The following SBF1 variants were observed in gnomAD, a reference collection of about 807,000 sequenced individuals.
The protein encoded by SBF1 is myotubularin-related protein 5.
Under a neutral mutation model 215.8 loss-of-function variants are expected in SBF1, and 65 were observed. The observed-to-expected ratio is 0.30, with a 90% CI of 0.25 to 0.37. The LOEUF (loss-of-function observed/expected upper bound fraction) is 0.37, where lower values mean the gene tolerates loss of function less well. Ranked by LOEUF, SBF1 falls within the 10% of genes least tolerant of loss-of-function variation. SBF1 has a pLI of 1.00. For synonymous variants in SBF1, 1,410 were observed against 1,122.8 expected, an observed-to-expected ratio of 1.26 and a Z score of -5.11; for missense variants, 2,634 against 2,667.8, an observed-to-expected ratio of 0.99 and a Z score of 0.28.
intron 25 of SBF1, 49 bp from the exon 26 acceptor site, chr22:50,460,208 C>T: frequency 6.2e-7 from 1 of 1,604,786 alleles, no homozygotes; most frequent in African/African-American, 1.3e-5. Context: ...TCCGCCTGCC[C>T]TGATCCTCCC....
chr22:50,463,013 C>T, intron 16 of SBF1, 75 bp from the exon 17 acceptor site: 1 of 1,418,534 alleles, frequency 7.0e-7, no homozygotes, highest in Non-Finnish European at 9.8e-7. Context: ...GCCCCCACCA[C>T]CCCATAACCA....
At chr22:50,474,441 G>A (rs557615909) in intron 1 of SBF1, among the ~76,000 whole-genome samples, 1 of 152,188 alleles carries the variant, frequency 6.6e-6, no homozygotes, top group Admixed American at 6.5e-5. Flanking sequence ...CAAGGAGGCC[G>A]GGCAGGCCGG....
chr22:50,461,220 A>C lies in SBF1; in HGVS notation c.2906T>G (p.Val969Gly), dbSNP rs576176809. Reference sequence around the variant, plus strand: ...CAGGAGCTGGTCCACAGGGGTCTGGACGCTGATGCGCTTCTCCTTGGTCAG... The same window carrying C: ...CAGGAGCTGGTCCACAGGGGTCTGGCCGCTGATGCGCTTCTCCTTGGTCAG... ...AALTKEKRIS[V>G]QTPVDQLLQD... Residue 969 changes from valine (V) to glycine (G), a missense_variant, in exon 23 of 41, where the codon GTC becomes GGC. Val to Gly is a moderately radical substitution (Grantham distance 109). Coordinates refer to ENST00000380817, the MANE Select transcript of SBF1 (RefSeq NM_002972.4). The C allele has an allele frequency of 5.6e-6, 9 of 1,612,956 alleles. No homozygotes were observed. The South Asian group carries it at 9.9e-5, about 18-fold the overall frequency.
At chr22:50,454,365 ATGG>A in intron 36 of SBF1, 144 bp downstream of exon 36, 2 of 696,638 alleles carry the variant, frequency 2.9e-6, no homozygotes, top group Non-Finnish European at 2.4e-6. Context: ...GGCAGTTCAC[ATGG>A]TGGGGAGACG....
Position 50,456,993 on chromosome 22 carries a change from CAAGT to C in SBF1, c.3904+37_3904+40del, listed in dbSNP as rs147016729. On this transcript the variant is annotated intron_variant, in intron 29 of 40. Coordinates refer to ENST00000380817, the MANE Select transcript of SBF1 (RefSeq NM_002972.4). ...AGTGCACACTAGAGGCCGCCAGCAC[CAAGT>C]AAGGGGAGGCGGGCCTGCGCAGGCT... 3.7e-4 allele frequency: 519 copies of C among 1,384,124 alleles called. 3 individuals are homozygous for C. Among genetic ancestry groups the C allele is most frequent in the Non-Finnish European group, 1.4e-4 (150 of 1,061,992 alleles). The allele number at this position is 1,384,124 out of a possible 1,614,324, so 85.7% of individuals were successfully genotyped here.
chr22:50,452,158 AAAG>A (rs1300887443), intron 36 of SBF1, among the ~76,000 whole-genome samples: 23 of 151,904 alleles, frequency 1.5e-4, no homozygotes, highest in South Asian at 1.2e-3. Flanking sequence ...AAAAAAAAAA[AAAG>A]AAGCAGCTGT....
At position 50,466,479 on chromosome 22, in the gene SBF1, A is replaced by T; in HGVS notation, c.659T>A (p.Ile220Asn). ...ACAGAACAAAGACAGCACGTTGGTG[A>T]TGCCTAAAGGAAGAAGAGAAGCTTG... ...SVALLFRQLG[I>N]TNVLSLFCAA... is the part of the protein sequence containing the mutation. Residue 220 changes from isoleucine to asparagine, a missense_variant, in exon 7 of 41, where the codon ATC (isoleucine) becomes AAC (asparagine). By Grantham distance (149) the Ile-to-Asn change is moderately radical. Coordinates refer to ENST00000380817, the MANE Select transcript of SBF1 (RefSeq NM_002972.4). 1 of 1,544,868 alleles carries T rather than the reference A, an allele frequency of 6.5e-7. No individual in the cohort carries two copies. Among genetic ancestry groups the T allele is most frequent in the Non-Finnish European group, 8.8e-7 (1 of 1,142,046 alleles).
At chr22:50,466,978 C>A in intron 5 of SBF1, 1 of 558,436 alleles carries the variant, frequency 1.8e-6, no homozygotes, top group East Asian at 3.0e-5. Context: ...GAATCCATAC[C>A]GCTCCTTCCT....
chr22:50,452,677 G>A (rs985899764), intron 36 of SBF1, among the ~76,000 whole-genome samples: 14 of 125,420 alleles, frequency 1.1e-4, no homozygotes, highest in Middle Eastern at 6.8e-3. Flanking sequence ...AACCGAGATC[G>A]CACCACCGCT....
rs1418904235 is a variant in SBF1, at chr22:50,464,609, C to T, written c.1561G>A (p.Ala521Thr). 1 of 1,611,452 alleles carries T rather than the reference C, an allele frequency of 6.2e-7. No homozygotes were observed. The highest frequency in any genetic ancestry group is 8.5e-7 in the Non-Finnish European group (1 of 1,179,864). Residue 521 changes from alanine to threonine, a missense_variant, in exon 14 of 41, where the codon GCA becomes ACA. Coordinates refer to ENST00000380817, the MANE Select transcript of SBF1 (RefSeq NM_002972.4). ...GTVQWIVDQA[A>T]AKMQGAPPAV... is the part of the protein sequence containing the mutation. ...GGGGGTGCACCCTGCATCTTGGCTG[C>T]AGCCTGGTCCACGATCCACTGCACG...
At chr22:50,455,607 C>T (rs1262986549) in intron 31 of SBF1, 25 bp from the exon 32 acceptor site, 4 of 1,545,970 alleles carry the variant, frequency 2.6e-6, no homozygotes, top group Non-Finnish European at 3.5e-6. Context: ...GGCCTCAGCA[C>T]CTCGGGGACC....
intron 38 of SBF1, 77 bp from the exon 39 acceptor site, chr22:50,447,686 C>A (rs957016554): frequency 1.1e-5 from 12 of 1,078,110 alleles, no homozygotes; most frequent in African/African-American, 3.1e-5. Flanking sequence ...TCGTCCCCCC[C>A]TTGCTGTCCC....
Position 50,462,443 on chromosome 22 carries a change from C to G in SBF1, c.2158G>C (p.Glu720Gln). The change falls in exon 19 of 41, where the codon GAG becomes CAG. Residue 720 changes from glutamate (E) to glutamine (Q), a missense_variant. By Grantham distance (29) the Glu-to-Gln change is conservative. Transcript: ENST00000380817. ...EVGEAPSQEDERSALDVASEQ... is the reference protein window; with the variant it reads ...EVGEAPSQEDQRSALDVASEQ... The stretch of plus-strand genomic sequence containing the variant: ...GAAGCCACGTCTAGGGCAGAGCGCT[C>G]GTCCTCCTGGGAAGGTGCCTCCCCA... 6.2e-7 allele frequency: 1 copy of G among 1,613,900 alleles called. No individual in the cohort carries two copies. Among genetic ancestry groups the G allele is most frequent in the Non-Finnish European group, 8.5e-7 (1 of 1,179,984 alleles).
rs902782859 is a variant in SBF1 at position 50,448,348 on chromosome 22, G to A, written c.5248C>T (p.Leu1750Phe). ...QEGPVGSTLS[L>F]SLDSDQSSGS... ...CTACTCTGGTCGCTGTCCAGGCTGA[G>A]GCTCAGGGTGGAGCCCACGGGCCCC... Residue 1750 changes from leucine (L) to phenylalanine (F), a missense_variant, in exon 38 of 41, where the codon CTC (leucine) becomes TTC (phenylalanine). Leu to Phe is a conservative substitution (Grantham distance 22, BLOSUM62 0). Coordinates refer to ENST00000380817, the MANE Select transcript of SBF1 (RefSeq NM_002972.4). The A allele has an allele frequency of 1.2e-6, 2 of 1,613,922 alleles. No homozygotes were observed. The highest frequency in any genetic ancestry group is 1.1e-5 in the South Asian group (1 of 91,088).
chr22:50,461,808 C>G lies in SBF1; in HGVS notation c.2631G>C (p.Pro877=). The change falls in exon 21 of 41, where the codon CCG becomes CCC. Residue 877 remains proline, a synonymous_variant. Transcript: ENST00000380817. ...GGCCCCCGCAAACCTTCTGGATGGG[C>G]GGCAGCCTCCGGCTCTCCCGCTGCA... ...EAVQRESRRL[P]PIQKPKLLRP... The G allele has an allele frequency of 6.2e-7, 1 of 1,613,412 alleles. No individual in the cohort carries two copies. The highest frequency in any genetic ancestry group is 8.5e-7 in the Non-Finnish European group (1 of 1,179,990).
At chr22:50,452,160 A>G (rs1370196656) in intron 36 of SBF1, among the ~76,000 whole-genome samples, 5 of 149,650 alleles carry the variant, frequency 3.3e-5, no homozygotes, top group Admixed American at 2.6e-4. Context: ...AAAAAAAAAA[A>G]GAAGCAGCTG....
At chr22:50,456,790 G>A in intron 29 of SBF1, 117 bp from the exon 30 acceptor site, 1 of 944,674 alleles carries the variant, frequency 1.1e-6, no homozygotes, top group South Asian at 1.8e-5. Context: ...GTGGTTGGCA[G>A]GACCCCAGCA....
chr22:50,462,476 G>C lies in SBF1; in HGVS notation c.2128-3C>G, dbSNP rs2067558606. The C allele has an allele frequency of 6.2e-7, 1 of 1,613,076 alleles. No homozygotes were observed. On this transcript the variant is annotated splice_polypyrimidine_tract_variant and splice_region_variant and intron_variant, in intron 18 of 40. Transcript: ENST00000380817. Reference sequence around the variant, plus strand: ...TGGGAAGGTGCCTCCCCAACCTCCTGCCACGGCACCACACGCATGAGCCGG... The same window carrying C: ...TGGGAAGGTGCCTCCCCAACCTCCTCCCACGGCACCACACGCATGAGCCGG...
intron 36 of SBF1, among the ~76,000 whole-genome samples, chr22:50,452,885 T>C (rs909902065): frequency 6.6e-6 from 1 of 151,930 alleles, no homozygotes; most frequent in Admixed American, 6.6e-5. Context: ...AGTCAGATGA[T>C]TATAGCCCCC....
Sources: allele counts gnomAD v4.1 joint callset (sites outside exome capture counted in the v4.1 genomes callset), GRCh38; gene constraint gnomAD v4.1.1; transcripts MANE v1.5; gene names NCBI Gene and HGNC (gene_info 2026-07-23, HGNC 2026-07-21).